Variants in RELN observed in about 807,000 individuals in gnomAD.
RELN encodes reelin.
A neutral mutation model predicts 427.6 loss-of-function variants in RELN; 108 were observed. That is an observed-to-expected ratio of 0.25 (90% CI 0.22 to 0.30). The LOEUF (loss-of-function observed/expected upper bound fraction) is 0.30, where lower values mean the gene tolerates loss of function less well. Ranked by LOEUF, RELN falls within the 10% of genes least tolerant of loss-of-function variation. The pLI, the probability that RELN is intolerant of heterozygous loss-of-function variation, is 1.00. For missense variants in RELN, 3,715 were observed against 4,302.8 expected (o/e 0.86, Z 3.82); for synonymous variants, 1,524 against 1,513.4 (o/e 1.01, Z -0.16).
At chr7:103,761,790 C>T (rs1237080288) in intron 4 of RELN, among the ~76,000 whole-genome samples, 1 of 152,158 alleles carries the variant, frequency 6.6e-6, no homozygotes, top group African/African-American at 2.4e-5. Flanking sequence ...TACTGTGTAG[C>T]AACTTTTAAA....
rs1462369530 is a variant in RELN, at chr7:103,520,954, G to GTTTTTTTT, written c.7668+1067_7668+1068insAAAAAAAA. Among the ~76,000 whole-genome samples the GTTTTTTTT allele has an allele frequency of 1.9e-3, 145 of 78,070 alleles. 18 individuals carry two copies. Among genetic ancestry groups the GTTTTTTTT allele is most frequent in the East Asian group, 4.2e-3 (9 of 2,130 alleles). The allele number at this position is 78,070 out of a possible 152,430, so 51.2% of individuals were successfully genotyped here. On this transcript the variant is annotated intron_variant, in intron 48 of 64. Transcript: ENST00000428762. ...GAAATAAAGAGCTGGCAGTAAATTT[G>GTTTTTTTT]TTATTTTTTTTTTTTTTTTTTTTTT...
chr7:103,888,048 T>C (rs1794762789), intron 2 of RELN, among the ~76,000 whole-genome samples: 1 of 152,044 alleles, frequency 6.6e-6, no homozygotes, highest in Non-Finnish European at 1.5e-5. Flanking sequence ...CTGCCAGCAT[T>C]TTCACTACCT....
chr7:103,584,652 C>G (rs759481911), intron 28 of RELN, among the ~76,000 whole-genome samples: 3 of 152,104 alleles, frequency 2.0e-5, no homozygotes, highest in Non-Finnish European at 4.4e-5. Context: ...CTAGATAGAT[C>G]ACTGAGGCAG....
intron 2 of RELN, among the ~76,000 whole-genome samples, chr7:103,904,012 A>AC (rs1238125608): frequency 4.0e-5 from 6 of 151,254 alleles, no homozygotes; most frequent in African/African-American, 1.2e-4. Context: ...TTCACTCCCC[A>AC]CCCCCGACAG....
chr7:103,735,002 C>A (rs1024729140), intron 6 of RELN, among the ~76,000 whole-genome samples: 1 of 152,070 alleles, frequency 6.6e-6, no homozygotes, highest in Non-Finnish European at 1.5e-5. Context: ...TTCAGTACCC[C>A]TTTGGCTATA....
chr7:103,821,114 T>G (rs1294221379), intron 3 of RELN, among the ~76,000 whole-genome samples: 1 of 152,188 alleles, frequency 6.6e-6, no homozygotes, highest in Non-Finnish European at 1.5e-5. Context: ...TAACAACAGA[T>G]GCTACAATAA....
chr7:103,810,151 T>G (rs1792701917), intron 3 of RELN, among the ~76,000 whole-genome samples: 1 of 152,174 alleles, frequency 6.6e-6, no homozygotes, highest in African/African-American at 2.4e-5. Flanking sequence ...GTAGTAATTT[T>G]TCCCCTCCAA....
chr7:103,682,386 A>G (rs1285576967), intron 10 of RELN, 125 bp from the exon 11 acceptor site: 5 of 962,928 alleles, frequency 5.2e-6, no homozygotes, highest in Admixed American at 1.8e-5. Context: ...TGGACTCTCA[A>G]ATCAAAAGAG....
rs1166283289 is a variant in RELN, at chr7:103,620,988, T to A, written c.2702+8952A>T. Among the ~76,000 whole-genome samples, 1 of 152,230 alleles carries A rather than the reference T, an allele frequency of 6.6e-6. No individual in the cohort carries two copies. The highest frequency in any genetic ancestry group is 1.5e-5 in the Non-Finnish European group (1 of 68,032). ...AATACACGAGGAATCTTTGAAATTA[T>A]CTTTCTTTTTCCTTCCAACTCTGTG... On this transcript the variant is annotated intron_variant, in intron 20 of 64. Coordinates refer to ENST00000428762, the MANE Select transcript of RELN (RefSeq NM_005045.4). The surrounding 1 kb of genome is among the most constrained non-coding windows in gnomAD (Gnocchi z 4.1).
chr7:103,660,556 A>T (rs1833117945), intron 12 of RELN, among the ~76,000 whole-genome samples: 1 of 152,212 alleles, frequency 6.6e-6, no homozygotes, highest in Non-Finnish European at 1.5e-5. Context: ...ATACAAGAGA[A>T]ATAAATCGTC....
intron 64 of RELN, among the ~76,000 whole-genome samples, chr7:103,477,649 T>C (rs528873591): frequency 1.3e-5 from 2 of 152,366 alleles, no homozygotes; most frequent in South Asian, 4.1e-4. Flanking sequence ...GAAGATTTCA[T>C]ATTTCTCTTC....
At chr7:103,515,536 G>A in intron 49 of RELN, 95 bp from the exon 50 acceptor site, 1 of 1,477,318 alleles carries the variant, frequency 6.8e-7, no homozygotes, top group East Asian at 2.3e-5. Flanking sequence ...GATAATGTAT[G>A]TCACATGGTG....
chr7:103,813,174 A>G (rs900805299), intron 3 of RELN, among the ~76,000 whole-genome samples: 17 of 152,096 alleles, frequency 1.1e-4, no homozygotes, highest in South Asian at 2.1e-4. Context: ...CTTTCTACAT[A>G]TTAATACATG....
At chr7:103,523,644 T>C in intron 46 of RELN, 113 bp from the exon 47 acceptor site, 1 of 1,002,674 alleles carries the variant, frequency 1.0e-6, no homozygotes, top group Non-Finnish European at 1.5e-6. Flanking sequence ...ACATTCCTAC[T>C]TCTTTTCTGA....
At chr7:103,795,286 G>A (rs1399759953) in intron 3 of RELN, among the ~76,000 whole-genome samples, 1 of 152,180 alleles carries the variant, frequency 6.6e-6, no homozygotes, top group East Asian at 1.9e-4. Context: ...AAGTTGTCTT[G>A]TCTGACTCAC....
chr7:103,731,385 G>A (rs1439173428), intron 6 of RELN, among the ~76,000 whole-genome samples: 1 of 152,040 alleles, frequency 6.6e-6, no homozygotes, highest in Non-Finnish European at 1.5e-5. Flanking sequence ...CTAGAAAGTG[G>A]CAACCACCTC....
At chr7:103,574,056 T>C (rs377172375) in intron 30 of RELN, 36 bp downstream of exon 30, 1 of 1,483,584 alleles carries the variant, frequency 6.7e-7, no homozygotes, top group African/African-American at 1.4e-5. Flanking sequence ...GTAAATAATA[T>C]GTTTGTGAAA....
At chr7:103,584,312 C>T (rs761818414) in intron 28 of RELN, among the ~76,000 whole-genome samples, 7 of 152,106 alleles carry the variant, frequency 4.6e-5, no homozygotes, top group Non-Finnish European at 8.8e-5. Context: ...TTGTTGCCTA[C>T]AATAGACCCA....
At chr7:103,859,695 T>C (rs1488686525) in intron 2 of RELN, among the ~76,000 whole-genome samples, 1 of 152,232 alleles carries the variant, frequency 6.6e-6, no homozygotes, top group Non-Finnish European at 1.5e-5. Flanking sequence ...CCAATTTCAT[T>C]GCATTCCCCA....
Sources: allele counts gnomAD v4.1 joint callset (sites outside exome capture counted in the v4.1 genomes callset), GRCh38; gene constraint gnomAD v4.1.1; non-coding constraint Gnocchi (gnomAD v3.1); transcripts MANE v1.5; gene names NCBI Gene and HGNC (gene_info 2026-07-23, HGNC 2026-07-21).